The following SNX25 variants were observed in gnomAD, a reference collection of about 807,000 sequenced individuals.
The protein encoded by SNX25 is sorting nexin 25.
Under a neutral mutation model 113.7 loss-of-function variants are expected in SNX25, and 62 were observed. The ratio of observed to expected loss-of-function variants is 0.55; its 90% CI spans 0.44 to 0.67. SNX25 has a LOEUF of 0.67. Among genes scored for constraint, SNX25 ranks in the 30% least tolerant of loss-of-function variants. SNX25 has a pLI of 0.00. For synonymous variants in SNX25, 421 were observed against 436.2 expected, an observed-to-expected ratio of 0.97 and a Z score of 0.43; for missense variants, 1,014 against 1,161.0, an observed-to-expected ratio of 0.87 and a Z score of 1.84.
chr4:185,330,304 T>C (rs1307612165), intron 9 of SNX25, among the ~76,000 whole-genome samples: 1 of 152,166 alleles, frequency 6.6e-6, no homozygotes. Flanking sequence ...GTCTTGGGAC[T>C]GGCATGTCTC....
At chr4:185,361,856 A>T (rs759789115) in intron 16 of SNX25, 68 bp from the exon 17 acceptor site, 738 of 1,478,114 alleles carry the variant, frequency 5.0e-4, no homozygotes, top group Non-Finnish European at 6.6e-4. Context: ...CGTATTGATA[A>T]GTGCCTTTTG....
downstream of SNX25, chr4:185,364,428 T>G (rs890509160): frequency 6.6e-6 from 1 of 152,176 alleles, no homozygotes; most frequent in Middle Eastern, 3.2e-3. Flanking sequence ...CCTTCCCCTG[T>G]CTAATCCCCA....
chr4:185,212,811 C>CTTAG (rs1298650041), intron 1 of SNX25, among the ~76,000 whole-genome samples: 2 of 152,214 alleles, frequency 1.3e-5, no homozygotes, highest in African/African-American at 4.8e-5. Context: ...AATGGAGCTC[C>CTTAG]TTAGAATAAC....
chr4:185,371,400 G>A (rs915100225), downstream of SNX25, among the ~76,000 whole-genome samples: 9 of 152,000 alleles, frequency 5.9e-5, no homozygotes, highest in African/African-American at 1.7e-4. Flanking sequence ...AAATTAGCTG[G>A]GCATGGTAGC....
At chr4:185,260,281 C>G (rs938610433) in intron 3 of SNX25, among the ~76,000 whole-genome samples, 1 of 151,804 alleles carries the variant, frequency 6.6e-6, no homozygotes, top group African/African-American at 2.4e-5. Context: ...GGTTCTCCGA[C>G]TTTTTGTTCC....
At chr4:185,215,067 G>A (rs1054881803) in intron 1 of SNX25, among the ~76,000 whole-genome samples, 2 of 152,048 alleles carry the variant, frequency 1.3e-5, no homozygotes, top group Non-Finnish European at 1.5e-5. Context: ...CGTCTCTACT[G>A]AAAATACAAA....
intron 2 of SNX25, among the ~76,000 whole-genome samples, chr4:185,251,373 C>CT (rs1186052824): frequency 6.6e-6 from 1 of 152,168 alleles, no homozygotes; most frequent in Non-Finnish European, 1.5e-5. Flanking sequence ...AAAACTGAAA[C>CT]TCTTTACTTA....
chr4:185,206,886 AG>A (rs1480416380), upstream of SNX25, among the ~76,000 whole-genome samples: 3 of 152,162 alleles, frequency 2.0e-5, no homozygotes, highest in Admixed American at 6.6e-5. Context: ...ACCAGGGAAT[AG>A]GATGGCATAA....
chr4:185,281,620 G>C (rs527608277), intron 5 of SNX25, among the ~76,000 whole-genome samples: 8 of 152,298 alleles, frequency 5.3e-5, no homozygotes, highest in South Asian at 2.1e-4. Context: ...CTTCAGCTTA[G>C]CTGGCTAAAA....
At chr4:185,238,427 C>T (rs1206059840) in intron 1 of SNX25, among the ~76,000 whole-genome samples, 2 of 152,102 alleles carry the variant, frequency 1.3e-5, no homozygotes, top group Non-Finnish European at 2.9e-5. Flanking sequence ...TTCTTAGTCC[C>T]TTCTCATCCT....
Position 185,288,075 on chromosome 4 carries a change from G to T in SNX25, c.1155G>T (p.Arg385Ser), listed in dbSNP as rs1266151632. 2.5e-6 allele frequency: 4 copies of T among 1,612,812 alleles called. No individual in the cohort carries two copies. Among genetic ancestry groups the T allele is most frequent in the African/African-American group, 1.3e-5 (1 of 74,862 alleles). ...TTISSFPQLK[R>S]HKGKETAAMK... ...TTAGCAGCTTTCCCCAACTGAAGAG[G>T]CACAAAGGTAAGAGCCAGGTTGTTT... Residue 385 changes from arginine to serine, a missense_variant, in exon 6 of 19, where the codon AGG becomes AGT. By Grantham distance (110) the Arg-to-Ser change is moderately radical. Coordinates refer to ENST00000652585, the MANE Select transcript of SNX25 (RefSeq NM_001378034.2).
At chr4:185,214,383 T>TC (rs1003097321) in intron 1 of SNX25, among the ~76,000 whole-genome samples, 2 of 116,220 alleles carry the variant, frequency 1.7e-5, no homozygotes, top group Non-Finnish European at 3.4e-5. Context: ...ATAGAGAAAC[T>TC]CCATCTCTAC....
intron 7 of SNX25, among the ~76,000 whole-genome samples, chr4:185,317,761 A>G (rs1361019198): frequency 6.6e-6 from 1 of 152,124 alleles, no homozygotes; most frequent in Non-Finnish European, 1.5e-5. Context: ...CAGGGAGGGG[A>G]ACATCACACA....
chr4:185,222,466 A>ATACCCCTCCCTTGCGGTAGGTATTCAGCG lies in SNX25; in HGVS notation c.429+12211_429+12212insTACCCCTCCCTTGCGGTAGGTATTCAGCG, dbSNP rs1560902112. Among the ~76,000 whole-genome samples the ATACCCCTCCCTTGCGGTAGGTATTCAGCG allele has an allele frequency of 1.8e-3, 249 of 137,454 alleles. 3 individuals carry two copies. Among genetic ancestry groups the ATACCCCTCCCTTGCGGTAGGTATTCAGCG allele is most frequent in the African/African-American group, 5.2e-3 (195 of 37,266 alleles). The allele number at this position is 137,454 out of a possible 152,430, so 90.2% of individuals were successfully genotyped here. ...CCCTCCCTCGCGGTAGGTATTCAGC[A>ATACCCCTCCCTTGCGGTAGGTATTCAGCG]CCCTATACCCCTCCCTCTCGGTAGG... On this transcript the variant is annotated intron_variant, in intron 1 of 18. Transcript: ENST00000652585.
At chr4:185,221,164 C>G (rs1011703817) in intron 1 of SNX25, among the ~76,000 whole-genome samples, 2 of 151,924 alleles carry the variant, frequency 1.3e-5, no homozygotes, top group African/African-American at 4.8e-5. Context: ...TCCCAAGTAG[C>G]TGGGTCTAAG....
At chr4:185,341,854 C>T in intron 11 of SNX25, 122 bp from the exon 12 acceptor site, 2 of 963,492 alleles carry the variant, frequency 2.1e-6, no homozygotes, top group African/African-American at 1.7e-5. Flanking sequence ...ATTCACAGTT[C>T]CAGGGATCCT....
the SNX25 span, chr4:185,376,927 A>T: frequency 5.6e-6 from 9 of 1,612,352 alleles, no homozygotes; most frequent in Non-Finnish European, 7.6e-6. Context: ...AATATAGTTG[A>T]CCTCGTAGGA....
At chr4:185,329,902 G>A (rs946675051) in intron 9 of SNX25, among the ~76,000 whole-genome samples, 3 of 152,008 alleles carry the variant, frequency 2.0e-5, no homozygotes, top group Non-Finnish European at 2.9e-5. Context: ...ACAAGACTGG[G>A]TGGGTGGCCA....
intron 2 of SNX25, among the ~76,000 whole-genome samples, chr4:185,254,275 A>C (rs938315155): frequency 1.3e-5 from 2 of 152,162 alleles, no homozygotes; most frequent in African/African-American, 4.8e-5. Flanking sequence ...ATAACTTTGC[A>C]TTGCATTTTA....
Sources: allele counts gnomAD v4.1 joint callset (sites outside exome capture counted in the v4.1 genomes callset), GRCh38; gene constraint gnomAD v4.1.1; transcripts MANE v1.5; gene names NCBI Gene and HGNC (gene_info 2026-07-23, HGNC 2026-07-21).